The following CNTN5 variants were observed in gnomAD, a reference collection of about 807,000 sequenced individuals.
CNTN5 encodes the protein contactin 5.
Under a neutral mutation model 129.1 loss-of-function variants are expected in CNTN5, and 77 were observed. The ratio of observed to expected loss-of-function variants is 0.60; its 90% CI spans 0.50 to 0.72. The LOEUF (loss-of-function observed/expected upper bound fraction) is 0.72. Among genes scored for constraint, CNTN5 ranks in the 30% least tolerant of loss-of-function variants. CNTN5 has a pLI of 0.00. For missense variants in CNTN5, 1,478 were observed against 1,328.8 expected (o/e 1.11, Z -1.75); for synonymous variants, 509 against 465.6 (o/e 1.09, Z -1.20).
intron 13 of CNTN5, among the ~76,000 whole-genome samples, chr11:100,112,263 C>T (rs1030162580): frequency 1.8e-4 from 27 of 152,060 alleles, no homozygotes; most frequent in Admixed American, 2.6e-4. Flanking sequence ...CAGTAAAGAA[C>T]AGAACTCCAG....
At chr11:99,961,752 C>T (rs1950952408) in intron 8 of CNTN5, among the ~76,000 whole-genome samples, 1 of 152,232 alleles carries the variant, frequency 6.6e-6, no homozygotes, top group Non-Finnish European at 1.5e-5. Context: ...TTTTAAATGT[C>T]AACAGTGGCA....
chr11:99,865,115 G>C (rs978791769), intron 6 of CNTN5, among the ~76,000 whole-genome samples: 1 of 152,096 alleles, frequency 6.6e-6, no homozygotes, highest in Non-Finnish European at 1.5e-5. Context: ...TTGAGACCTT[G>C]TATTCATTCA....
chr11:99,243,955 T>G (rs1429113368), intron 1 of CNTN5, among the ~76,000 whole-genome samples: 1 of 152,124 alleles, frequency 6.6e-6, no homozygotes, highest in Non-Finnish European at 1.5e-5. Flanking sequence ...CAGGTTCTTT[T>G]TTGCTTTCAC....
At chr11:99,237,875 C>T (rs1350530638) in intron 1 of CNTN5, among the ~76,000 whole-genome samples, 2 of 152,110 alleles carry the variant, frequency 1.3e-5, no homozygotes, top group Non-Finnish European at 2.9e-5. Context: ...TTATTGGTTA[C>T]TATCTACAAA....
At chr11:99,643,612 A>G (rs1354021660) in intron 3 of CNTN5, among the ~76,000 whole-genome samples, 1 of 152,152 alleles carries the variant, frequency 6.6e-6, no homozygotes, top group South Asian at 2.1e-4. Flanking sequence ...AGACATATTA[A>G]TGTTGTTAAT....
chr11:99,699,449 G>A (rs1045985506), intron 3 of CNTN5, among the ~76,000 whole-genome samples: 7 of 151,212 alleles, frequency 4.6e-5, no homozygotes, highest in Non-Finnish European at 7.4e-5. Context: ...CAAATATTAT[G>A]CATTGAGGTA....
At chr11:99,893,258 C>G (rs1441385) in intron 6 of CNTN5, among the ~76,000 whole-genome samples, 14,259 of 152,020 alleles carry the variant, frequency 0.094, 1,482 homozygotes, top group African/African-American at 0.26. Context: ...AACTATGTAT[C>G]AAGACACTCT....
intron 1 of CNTN5, among the ~76,000 whole-genome samples, chr11:99,203,786 A>G (rs934565470): frequency 8.6e-5 from 13 of 151,952 alleles, no homozygotes; most frequent in African/African-American, 1.9e-4. Context: ...TTTAGTAGAG[A>G]TGGGTTTTGC....
At chr11:99,519,828 T>C (rs963901880) in intron 2 of CNTN5, among the ~76,000 whole-genome samples, 3 of 152,084 alleles carry the variant, frequency 2.0e-5, no homozygotes, top group African/African-American at 7.2e-5. Context: ...ATGCCCTAAT[T>C]CTCACCCTAA....
At chr11:99,049,300 G>C (rs79502128) in intron 1 of CNTN5, among the ~76,000 whole-genome samples, 18 of 152,072 alleles carry the variant, frequency 1.2e-4, no homozygotes, top group Admixed American at 3.9e-4. Flanking sequence ...ATATTTACCT[G>C]AGTTAGGTAG....
intron 1 of CNTN5, among the ~76,000 whole-genome samples, chr11:99,128,506 G>A (rs1954820): frequency 0.47 from 71,391 of 152,116 alleles, 17,042 homozygotes; most frequent in African/African-American, 0.55. Context: ...GACAGAGCAC[G>A]TGGCAGGAGG....
At chr11:99,474,561 T>A (rs1186956532) in intron 2 of CNTN5, among the ~76,000 whole-genome samples, 2 of 152,124 alleles carry the variant, frequency 1.3e-5, no homozygotes, top group African/African-American at 4.8e-5. Context: ...TTTATTTATT[T>A]TTGCAGATGA....
At chr11:99,800,988 A>G (rs920510777) in intron 3 of CNTN5, among the ~76,000 whole-genome samples, 2 of 152,098 alleles carry the variant, frequency 1.3e-5, no homozygotes, top group Admixed American at 1.3e-4. Flanking sequence ...ATAGTTTTGA[A>G]GGTTTTATTG....
chr11:99,108,124 A>T (rs939758192), intron 1 of CNTN5, among the ~76,000 whole-genome samples: 3 of 152,064 alleles, frequency 2.0e-5, no homozygotes, highest in African/African-American at 7.2e-5. Context: ...TTGATTGTAG[A>T]TTACTTGGAA....
chr11:100,113,304 C>A (rs1182286138), intron 13 of CNTN5, among the ~76,000 whole-genome samples: 1 of 149,928 alleles, frequency 6.7e-6, no homozygotes, highest in East Asian at 2.0e-4. Context: ...TAGCTAGTAG[C>A]TACTATATTA....
intron 3 of CNTN5, among the ~76,000 whole-genome samples, chr11:99,758,653 G>A (rs1424122389): frequency 6.6e-6 from 1 of 152,032 alleles, no homozygotes; most frequent in Non-Finnish European, 1.5e-5. Flanking sequence ...GATTAAAAGA[G>A]AAGGGCTTCA....
chr11:100,128,700 C>T (rs563318145), intron 13 of CNTN5, among the ~76,000 whole-genome samples: 2 of 152,106 alleles, frequency 1.3e-5, no homozygotes, highest in African/African-American at 4.8e-5. Context: ...CCTCTAGAGG[C>T]TTGAATGGGC....
chr11:100,123,664 G>A (rs914155089), intron 13 of CNTN5, among the ~76,000 whole-genome samples: 2 of 151,922 alleles, frequency 1.3e-5, no homozygotes, highest in South Asian at 4.1e-4. Context: ...AAAATGCTTT[G>A]AGGAACAGAA....
intron 6 of CNTN5, among the ~76,000 whole-genome samples, chr11:99,910,138 T>C (rs1165707940): frequency 1.3e-5 from 2 of 152,088 alleles, no homozygotes; most frequent in Non-Finnish European, 2.9e-5. Context: ...TTTTCTGCTG[T>C]GAGTTCTTAT....
Sources: allele counts gnomAD v4.1 joint callset (sites outside exome capture counted in the v4.1 genomes callset), GRCh38; gene constraint gnomAD v4.1.1; transcripts MANE v1.5; gene names NCBI Gene and HGNC (gene_info 2026-07-23, HGNC 2026-07-21).